The following LARGE1 variants were observed in gnomAD, a reference collection of about 807,000 sequenced individuals.
LARGE1 encodes xylosyl- and glucuronyltransferase LARGE1.
LARGE1 carries 43 observed loss-of-function variants against 87.6 expected under a neutral mutation model. The ratio of observed to expected loss-of-function variants is 0.49; its 90% CI spans 0.38 to 0.63. The LOEUF (loss-of-function observed/expected upper bound fraction) is 0.63. Ranked by LOEUF, LARGE1 falls within the 30% of genes least tolerant of loss-of-function variation. The probability of loss-of-function intolerance (pLI) is 0.00; values close to 1 mark genes in which losing one functional copy is unlikely to be tolerated. For missense variants in LARGE1, 802 were observed against 1,000.2 expected, an observed-to-expected ratio of 0.80 and a Z score of 2.67; for synonymous variants, 434 against 394.6, an observed-to-expected ratio of 1.10 and a Z score of -1.18.
intron 11 of LARGE1, among the ~76,000 whole-genome samples, chr22:33,256,106 T>C (rs1157790407): frequency 2.0e-5 from 3 of 152,206 alleles, no homozygotes; most frequent in Non-Finnish European, 4.4e-5. Context: ...CAGGGAACTG[T>C]CAGCAAGACA....
chr22:33,533,605 A>C (rs1257380739), intron 6 of LARGE1, among the ~76,000 whole-genome samples: 1 of 152,204 alleles, frequency 6.6e-6, no homozygotes, highest in Non-Finnish European at 1.5e-5. Context: ...TAAATGGGCT[A>C]ATATCAAGTC....
chr22:33,788,873 A>T (rs1015934059), intron 1 of LARGE1, among the ~76,000 whole-genome samples: 1 of 152,186 alleles, frequency 6.6e-6, no homozygotes, highest in African/African-American at 2.4e-5. Flanking sequence ...TATGGTTTGG[A>T]ATTGGAATTT....
chr22:33,765,511 CT>C (rs1191116071), intron 1 of LARGE1, among the ~76,000 whole-genome samples: 1 of 151,846 alleles, frequency 6.6e-6, no homozygotes, highest in Admixed American at 6.6e-5. Context: ...CAAAACCCGC[CT>C]AGCCAACATA....
At chr22:33,407,290 G>C (rs1051515808) in intron 7 of LARGE1, among the ~76,000 whole-genome samples, 3 of 152,164 alleles carry the variant, frequency 2.0e-5, no homozygotes, top group Non-Finnish European at 4.4e-5. Context: ...CTCCCAAGTA[G>C]CGGGAACTAT....
intron 2 of LARGE1, among the ~76,000 whole-genome samples, chr22:33,669,867 G>A (rs931598930): frequency 5.6e-4 from 86 of 152,292 alleles, no homozygotes; most frequent in African/African-American, 1.9e-3. Flanking sequence ...CATGCATATG[G>A]GTCAATGTCT....
At chr22:33,882,820 C>T (rs969377931) in intron 1 of LARGE1, among the ~76,000 whole-genome samples, 2 of 152,164 alleles carry the variant, frequency 1.3e-5, no homozygotes, top group East Asian at 1.9e-4. Flanking sequence ...CTATGATTAA[C>T]TTGAACTCCA....
At chr22:33,103,432 CAA>C in the LARGE1 span, among the ~76,000 whole-genome samples, 62 of 33,792 alleles carry the variant, frequency 1.8e-3, no homozygotes, top group Admixed American at 4.8e-3. Flanking sequence ...GACTCTGTCT[CAA>C]AAAAAAAAAA....
intron 6 of LARGE1, among the ~76,000 whole-genome samples, chr22:33,437,547 G>A (rs1270480291): frequency 6.6e-6 from 1 of 152,058 alleles, no homozygotes; most frequent in African/African-American, 2.4e-5. Context: ...ACCACTAAAA[G>A]CGTCGATGAA....
At chr22:33,085,686 T>G in the LARGE1 span, among the ~76,000 whole-genome samples, 1 of 152,202 alleles carries the variant, frequency 6.6e-6, no homozygotes, top group African/African-American at 2.4e-5. Flanking sequence ...ATTAGAAAAA[T>G]GTGTAATATA....
intron 6 of LARGE1, among the ~76,000 whole-genome samples, chr22:33,490,405 T>C (rs1267141731): frequency 6.6e-6 from 1 of 152,160 alleles, no homozygotes; most frequent in Admixed American, 6.5e-5. Flanking sequence ...TTTAATGAAA[T>C]AGTGCAATTT....
intron 2 of LARGE1, among the ~76,000 whole-genome samples, chr22:33,668,745 G>A (rs754117228): frequency 1.3e-5 from 2 of 152,104 alleles, no homozygotes; most frequent in Non-Finnish European, 1.5e-5. Flanking sequence ...TCTACAGGAA[G>A]GTTGAAAGCA....
intron 2 of LARGE1, among the ~76,000 whole-genome samples, chr22:33,696,269 T>A (rs2082246872): frequency 6.8e-6 from 1 of 147,994 alleles, no homozygotes; most frequent in African/African-American, 2.5e-5. Flanking sequence ...CTTTCTTTTT[T>A]TTTTTTTTTT....
At chr22:33,712,050 G>A (rs761704039) in intron 2 of LARGE1, among the ~76,000 whole-genome samples, 1 of 152,134 alleles carries the variant, frequency 6.6e-6, no homozygotes, top group Non-Finnish European at 1.5e-5. Flanking sequence ...TGAGTGGTGT[G>A]CCATTTTATA....
chr22:33,765,437 C>T (rs1002380443), intron 1 of LARGE1, among the ~76,000 whole-genome samples: 4 of 152,264 alleles, frequency 2.6e-5, no homozygotes, highest in African/African-American at 9.6e-5. Context: ...GGTGCAGTGG[C>T]TCACACCTGT....
intron 4 of LARGE1, among the ~76,000 whole-genome samples, chr22:33,611,259 G>A (rs1348209585): frequency 1.3e-5 from 2 of 152,146 alleles, no homozygotes; most frequent in African/African-American, 4.8e-5. Context: ...TTTGTGCTTG[G>A]AAAAGCAACA....
chr22:33,485,204 C>T (rs934861074), intron 6 of LARGE1, among the ~76,000 whole-genome samples: 7 of 145,322 alleles, frequency 4.8e-5, no homozygotes, highest in Admixed American at 1.4e-4. Context: ...TGAGCCACCG[C>T]GTCCGGTCTG....
intron 11 of LARGE1, among the ~76,000 whole-genome samples, chr22:33,262,667 C>T (rs375092756): frequency 9.2e-5 from 14 of 152,266 alleles, no homozygotes; most frequent in African/African-American, 3.4e-4. Flanking sequence ...CTCTATTACG[C>T]CTGCCAGTCA....
At chr22:33,099,136 T>A in the LARGE1 span, among the ~76,000 whole-genome samples, 1 of 152,166 alleles carries the variant, frequency 6.6e-6, no homozygotes, top group African/African-American at 2.4e-5. Context: ...CCAGAGAGCC[T>A]AGGAGGGTAG....
chr22:33,458,346 C>T (rs1273832785), intron 6 of LARGE1, among the ~76,000 whole-genome samples: 6 of 152,082 alleles, frequency 3.9e-5, no homozygotes, highest in African/African-American at 7.2e-5. Flanking sequence ...CCTCATGATC[C>T]GCCCGCCTTG....
Sources: allele counts gnomAD v4.1 joint callset (sites outside exome capture counted in the v4.1 genomes callset), GRCh38; gene constraint gnomAD v4.1.1; transcripts MANE v1.5; gene names NCBI Gene and HGNC (gene_info 2026-07-23, HGNC 2026-07-21).